The following KCNMB2 variants were observed in gnomAD, a reference collection of about 807,000 sequenced individuals.
KCNMB2 encodes the protein potassium calcium-activated channel subfamily M regulatory beta subunit 2.
KCNMB2 carries 9 observed loss-of-function variants against 24.5 expected under a neutral mutation model. That is an observed-to-expected ratio of 0.37 (90% CI 0.22 to 0.64). The LOEUF (loss-of-function observed/expected upper bound fraction) is 0.64. KCNMB2 is among the 30% of genes least tolerant of loss of function. KCNMB2 has a pLI of 0.63. For synonymous variants in KCNMB2, 109 were observed against 104.4 expected (o/e 1.04, Z -0.27); for missense variants, 226 against 284.3 (o/e 0.79, Z 1.47).
rs772084764 is a variant in KCNMB2, at chr3:178,814,925, G to A, written c.56+7460G>A. On this transcript the variant is annotated intron_variant, in intron 2 of 4. Coordinates refer to ENST00000452583, the MANE Select transcript of KCNMB2 (RefSeq NM_181361.3). ...TTTTCTCCCATTCTGTAGGTAGTCTGTTTACTCTGTTAATTATTTATTTTG... is the reference window on the plus strand; with the variant it reads ...TTTTCTCCCATTCTGTAGGTAGTCTATTTACTCTGTTAATTATTTATTTTG... Among the ~76,000 whole-genome samples, 11 of 151,930 alleles carry A rather than the reference G, an allele frequency of 7.2e-5. 1 individual carries two copies. The highest frequency in any genetic ancestry group is 2.1e-4 in the South Asian group (1 of 4,822).
chr3:178,674,358 T>C (rs550913698), intron 1 of KCNMB2, among the ~76,000 whole-genome samples: 24 of 152,306 alleles, frequency 1.6e-4, no homozygotes, highest in African/African-American at 5.5e-4. Flanking sequence ...TAGCTTAGCA[T>C]GTTAAGTTAA....
At chr3:178,703,516 C>A (rs78796067) in intron 1 of KCNMB2, among the ~76,000 whole-genome samples, 32 of 151,864 alleles carry the variant, frequency 2.1e-4, no homozygotes, top group Non-Finnish European at 3.4e-4. Flanking sequence ...CCCACCCCCC[C>A]AAAAAAAGTA....
intron 4 of KCNMB2, among the ~76,000 whole-genome samples, chr3:178,838,013 A>G (rs1160648236): frequency 6.6e-6 from 1 of 152,178 alleles, no homozygotes; most frequent in Admixed American, 6.5e-5. Context: ...ACTATAAACT[A>G]TCTTGGCACA....
chr3:178,781,291 C>A (rs1284056150), intron 1 of KCNMB2, among the ~76,000 whole-genome samples: 1 of 151,894 alleles, frequency 6.6e-6, no homozygotes, highest in Non-Finnish European at 1.5e-5. Flanking sequence ...CAAAGGGGAC[C>A]AAATGAATTA....
chr3:178,727,106 A>G (rs1359102228), intron 1 of KCNMB2, among the ~76,000 whole-genome samples: 1 of 152,146 alleles, frequency 6.6e-6, no homozygotes, highest in Non-Finnish European at 1.5e-5. Flanking sequence ...TTAGGTGTGT[A>G]TTGAAGTAAC....
At chr3:178,616,518 G>A (rs1184781175) in intron 1 of KCNMB2, among the ~76,000 whole-genome samples, 1 of 152,206 alleles carries the variant, frequency 6.6e-6, no homozygotes, top group Admixed American at 6.5e-5. Context: ...GACACTCTCT[G>A]CACCAAGCTG....
At chr3:178,823,353 G>A (rs931046198) in intron 2 of KCNMB2, among the ~76,000 whole-genome samples, 1 of 152,100 alleles carries the variant, frequency 6.6e-6, no homozygotes, top group Non-Finnish European at 1.5e-5. Flanking sequence ...ACCATGAGCA[G>A]CCAAGAGCAA....
chr3:178,843,039 T>C lies in KCNMB2; in HGVS notation c.*102T>C. 1.1e-6 allele frequency: 1 copy of C among 892,636 alleles called. No individual in the cohort carries two copies. Among genetic ancestry groups the C allele is most frequent in the Non-Finnish European group, 1.7e-6 (1 of 581,352 alleles). 55.3% of individuals were successfully genotyped at this position (892,636 alleles called of 1,614,324 possible). On this transcript the variant is annotated 3_prime_UTR_variant, in exon 5 of 5. Transcript: ENST00000452583. ...TTTGTAACGTGCAGTCTGTTATGAG[T>C]TCCCTAATATATTCTTATATGTAGA... is the stretch of plus-strand genomic sequence containing the variant.
intron 1 of KCNMB2, among the ~76,000 whole-genome samples, chr3:178,754,150 G>GTATATATATATATA (rs755809548): frequency 2.2e-4 from 23 of 106,274 alleles, no homozygotes; most frequent in African/African-American, 5.3e-4. Flanking sequence ...ATATTCCATT[G>GTATATATATATATA]TATATATATA....
chr3:178,682,393 C>G (rs1293662001), intron 1 of KCNMB2, among the ~76,000 whole-genome samples: 2 of 152,036 alleles, frequency 1.3e-5, no homozygotes, highest in Admixed American at 6.6e-5. Context: ...CTGCCACAAT[C>G]ACAAGAACAT....
At chr3:178,815,125 TTTTG>T (rs1193104018) in intron 2 of KCNMB2, among the ~76,000 whole-genome samples, 2 of 152,082 alleles carry the variant, frequency 1.3e-5, no homozygotes, top group Non-Finnish European at 2.9e-5. Flanking sequence ...CTATACTAGT[TTTTG>T]TTTGTTTTTT....
At chr3:178,679,134 T>C (rs1372420346) in intron 1 of KCNMB2, among the ~76,000 whole-genome samples, 1 of 152,142 alleles carries the variant, frequency 6.6e-6, no homozygotes, top group African/African-American at 2.4e-5. Flanking sequence ...TATTTATCAG[T>C]TTTTTTATTT....
chr3:178,622,885 A>T (rs1318848605), intron 1 of KCNMB2, among the ~76,000 whole-genome samples: 1 of 152,154 alleles, frequency 6.6e-6, no homozygotes, highest in Non-Finnish European at 1.5e-5. Flanking sequence ...TGAATATGAG[A>T]AGAGATTAAA....
At chr3:178,559,163 C>T (rs1007701018) in intron 1 of KCNMB2, among the ~76,000 whole-genome samples, 1 of 152,056 alleles carries the variant, frequency 6.6e-6, no homozygotes, top group African/African-American at 2.4e-5. Context: ...TATTTGCTGG[C>T]TTTGGAACTA....
intron 1 of KCNMB2, among the ~76,000 whole-genome samples, chr3:178,691,107 C>CTTTTTTTGTTTTTTTTTT (rs1721657873): frequency 1.3e-5 from 1 of 79,688 alleles, no homozygotes; most frequent in Non-Finnish European, 2.2e-5. Flanking sequence ...CCCATTAAGT[C>CTTTTTTTGTTTTTTTTTT]TTTTTTTTTT....
At chr3:178,731,359 A>T (rs942289006) in intron 1 of KCNMB2, among the ~76,000 whole-genome samples, 2 of 152,232 alleles carry the variant, frequency 1.3e-5, no homozygotes. Flanking sequence ...ATTTCGGGCT[A>T]GATAATTCCC....
chr3:178,539,661 C>T (rs1715547710), intron 1 of KCNMB2, among the ~76,000 whole-genome samples: 1 of 152,046 alleles, frequency 6.6e-6, no homozygotes, highest in African/African-American at 2.4e-5. Flanking sequence ...ACAGCATTAT[C>T]CTTTTTCAGG....
chr3:178,842,558 C>A, intron 4 of KCNMB2, 95 bp from the exon 5 acceptor site: 1 of 807,078 alleles, frequency 1.2e-6, no homozygotes, highest in Non-Finnish European at 2.0e-6. Flanking sequence ...ATGGTTATTT[C>A]ACAGATCACT....
chr3:178,818,216 T>C (rs547327975), intron 2 of KCNMB2, among the ~76,000 whole-genome samples: 1 of 152,306 alleles, frequency 6.6e-6, no homozygotes, highest in South Asian at 2.1e-4. Flanking sequence ...AAACCCATAG[T>C]GTTGCTAGTT....
Sources: allele counts gnomAD v4.1 joint callset (sites outside exome capture counted in the v4.1 genomes callset), GRCh38; gene constraint gnomAD v4.1.1; transcripts MANE v1.5; gene names NCBI Gene and HGNC (gene_info 2026-07-23, HGNC 2026-07-21).